The following ACYP2 variants were observed in gnomAD, a reference collection of about 807,000 sequenced individuals.
ACYP2 encodes the protein acylphosphatase 2.
Under a neutral mutation model 11.2 loss-of-function variants are expected in ACYP2, and 12 were observed. The ratio of observed to expected loss-of-function variants is 1.08; its 90% CI spans 0.69 to 1.74. The LOEUF is 1.74. Ranked by LOEUF, ACYP2 falls within the 40% of genes most tolerant of loss-of-function variation. The pLI, the probability that ACYP2 is intolerant of heterozygous loss-of-function variation, is 0.00. For missense variants in ACYP2, 134 were observed against 101.9 expected, an observed-to-expected ratio of 1.31 and a Z score of -1.35; for synonymous variants, 43 against 32.2, an observed-to-expected ratio of 1.33 and a Z score of -1.13.
At chr2:54,077,699 G>A (rs1677419791) in intron 4 of ACYP2, among the ~76,000 whole-genome samples, 1 of 152,224 alleles carries the variant, frequency 6.6e-6, no homozygotes, top group Admixed American at 6.5e-5. Context: ...GTACAGAATA[G>A]GGGAATAATC....
intron 2 of ACYP2, among the ~76,000 whole-genome samples, chr2:54,040,519 C>G (rs566983275): frequency 1.3e-5 from 2 of 151,988 alleles, no homozygotes; most frequent in East Asian, 3.9e-4. Context: ...AGAAGAGGTA[C>G]AAGGGCTGAA....
chr2:54,303,436 G>T (rs969483494), intron 6 of ACYP2, among the ~76,000 whole-genome samples: 9 of 152,136 alleles, frequency 5.9e-5, no homozygotes, highest in Non-Finnish European at 1.5e-5. Context: ...TTTCTAGGAG[G>T]TTTCAAGAAG....
intron 6 of ACYP2, among the ~76,000 whole-genome samples, chr2:54,256,434 T>C (rs1458147700): frequency 6.6e-6 from 1 of 152,168 alleles, no homozygotes; most frequent in Admixed American, 6.5e-5. Context: ...GCTGAGAACC[T>C]TCTCATGTGT....
chr2:54,139,977 A>G (rs1425799139), intron 6 of ACYP2, among the ~76,000 whole-genome samples: 1 of 152,240 alleles, frequency 6.6e-6, no homozygotes, highest in Non-Finnish European at 1.5e-5. Context: ...CATTTCAGTA[A>G]ACAGTAAATA....
intron 4 of ACYP2, among the ~76,000 whole-genome samples, chr2:54,087,819 A>G (rs1329503633): frequency 6.6e-6 from 1 of 152,258 alleles, no homozygotes; most frequent in African/African-American, 2.4e-5. Flanking sequence ...CAAGATACTG[A>G]GAAAAAATAG....
At chr2:54,071,594 T>C (rs1677045923) in intron 4 of ACYP2, among the ~76,000 whole-genome samples, 1 of 152,012 alleles carries the variant, frequency 6.6e-6, no homozygotes, top group Admixed American at 6.6e-5. Flanking sequence ...GCCTTCTGAG[T>C]AGCTGAGACT....
intron 4 of ACYP2, among the ~76,000 whole-genome samples, chr2:54,082,235 T>C (rs1290964232): frequency 6.6e-6 from 1 of 151,842 alleles, no homozygotes. Context: ...TGTACACATA[T>C]ATAGCTCTTT....
At chr2:54,097,796 A>G (rs906491722) in intron 4 of ACYP2, among the ~76,000 whole-genome samples, 3 of 150,644 alleles carry the variant, frequency 2.0e-5, no homozygotes, top group African/African-American at 4.9e-5. Context: ...GATATTTTTA[A>G]CTCTAACCAC....
At chr2:54,192,992 G>A (rs997038737) in intron 6 of ACYP2, among the ~76,000 whole-genome samples, 1 of 152,148 alleles carries the variant, frequency 6.6e-6, no homozygotes, top group African/African-American at 2.4e-5. Flanking sequence ...GATGAGATTT[G>A]GGTAGAGACA....
chr2:54,279,684 T>TC lies in ACYP2; in HGVS notation c.405-25001dup, dbSNP rs201060842. Among the ~76,000 whole-genome samples the TC allele has an allele frequency of 5.9e-3, 892 of 152,076 alleles. 10 individuals are homozygous for TC. Among genetic ancestry groups the TC allele is most frequent in the African/African-American group, 0.02 (841 of 41,474 alleles). ...CCTTGTCAGCCATGCTGCCACTCCCTCCCTCCCCACTTCACACACTTAATG... is the reference window on the plus strand; with the variant it reads ...CCTTGTCAGCCATGCTGCCACTCCCTCCCCTCCCCACTTCACACACTTAATG... On this transcript the variant is annotated intron_variant, in intron 6 of 6. Coordinates refer to ENST00000607452, the MANE Select transcript of ACYP2 (RefSeq NM_001320586.2).
At chr2:54,112,053 T>C (rs1215446629) in intron 4 of ACYP2, among the ~76,000 whole-genome samples, 1 of 152,230 alleles carries the variant, frequency 6.6e-6, no homozygotes, top group African/African-American at 2.4e-5. Flanking sequence ...ATCATATGTA[T>C]TATTGTCATA....
intron 6 of ACYP2, among the ~76,000 whole-genome samples, chr2:54,295,239 T>C (rs886969000): frequency 5.3e-5 from 8 of 152,212 alleles, no homozygotes; most frequent in Admixed American, 3.3e-4. Flanking sequence ...AATGAACCAA[T>C]TGCACAAGTA....
At chr2:54,047,575 A>T (rs1454474533) in intron 2 of ACYP2, among the ~76,000 whole-genome samples, 1 of 152,194 alleles carries the variant, frequency 6.6e-6, no homozygotes, top group East Asian at 1.9e-4. Flanking sequence ...AATTGATTGT[A>T]TTGTATTAGA....
rs193153837 is a variant in ACYP2, at chr2:54,153,079, T to G, written c.404+14331T>G. On this transcript the variant is annotated intron_variant, in intron 6 of 6. Coordinates refer to ENST00000607452, the MANE Select transcript of ACYP2 (RefSeq NM_001320586.2). ...ACAGTTTTCCCCCTATGTTTTCTTA[T>G]AGTATGTTTTTAAAATCAGTTTCAG... 9.7e-4 allele frequency among the ~76,000 whole-genome samples: 148 copies of G among 152,336 alleles called. 2 individuals carry two copies. In the Middle Eastern group the frequency reaches 0.031, roughly 32 times the overall value.
At chr2:54,062,983 T>A (rs976924069) in intron 4 of ACYP2, among the ~76,000 whole-genome samples, 10 of 152,202 alleles carry the variant, frequency 6.6e-5, no homozygotes, top group African/African-American at 2.2e-4. Context: ...GATACCTTCA[T>A]TAATTCGACT....
intron 6 of ACYP2, among the ~76,000 whole-genome samples, chr2:54,247,054 G>A (rs112977420): frequency 0.022 from 3,362 of 152,180 alleles, 115 homozygotes; most frequent in African/African-American, 0.075. Flanking sequence ...CTGCCCCAAA[G>A]TCCTAAAATT....
chr2:54,118,703 C>G (rs746340797), intron 4 of ACYP2, among the ~76,000 whole-genome samples: 1 of 152,122 alleles, frequency 6.6e-6, no homozygotes, highest in Non-Finnish European at 1.5e-5. Flanking sequence ...AAAAGAGAAA[C>G]GTACTATACA....
At position 54,138,760 on chromosome 2, in the gene ACYP2, A is replaced by T; in HGVS notation, c.404+12A>T. ...AAAGTCAATTCCATGTGAGTAGTAA[A>T]ATTAATAACATGTACATGAAATTTA... On this transcript the variant is annotated intron_variant, in intron 6 of 6. Transcript: ENST00000607452. The T allele has an allele frequency of 6.3e-7, 1 of 1,594,528 alleles. No individual in the cohort carries two copies. Among genetic ancestry groups the T allele is most frequent in the Non-Finnish European group, 8.6e-7 (1 of 1,164,922 alleles).
chr2:54,125,572 A>G (rs1680441634), intron 4 of ACYP2, among the ~76,000 whole-genome samples: 1 of 151,914 alleles, frequency 6.6e-6, no homozygotes, highest in Non-Finnish European at 1.5e-5. Flanking sequence ...CAACATGGTG[A>G]AACCCTGTCT....
Sources: allele counts gnomAD v4.1 joint callset (sites outside exome capture counted in the v4.1 genomes callset), GRCh38; gene constraint gnomAD v4.1.1; transcripts MANE v1.5; gene names NCBI Gene and HGNC (gene_info 2026-07-23, HGNC 2026-07-21).